Variants in AGK observed in about 807,000 individuals in gnomAD.
AGK encodes the protein acylglycerol kinase, mitochondrial.
In AGK, 52 loss-of-function variants were observed where a neutral mutation model predicts 66.4. The ratio of observed to expected loss-of-function variants is 0.78; its 90% CI spans 0.63 to 0.99. The LOEUF (loss-of-function observed/expected upper bound fraction) is 0.99. AGK is among the 50% of genes least tolerant of loss of function. The pLI, the probability that AGK is intolerant of heterozygous loss-of-function variation, is 0.00. For missense variants in AGK, 451 were observed against 506.6 expected (o/e 0.89, Z 1.05); for synonymous variants, 182 against 181.1 (o/e 1.00, Z -0.04).
intron 8 of AGK, among the ~76,000 whole-genome samples, chr7:141,619,734 CAT>C (rs1298447059): frequency 2.0e-5 from 3 of 151,030 alleles, no homozygotes; most frequent in Non-Finnish European, 4.4e-5. Flanking sequence ...TCTTGGATAT[CAT>C]TGGTGCAAAT....
intron 3 of AGK, among the ~76,000 whole-genome samples, chr7:141,595,285 C>A (rs1796205465): frequency 6.6e-6 from 1 of 152,046 alleles, no homozygotes; most frequent in Non-Finnish European, 1.5e-5. Context: ...TTAGTGATAT[C>A]ATTTCTGCCA....
rs35119899 is a variant in AGK, at chr7:141,623,379, CAAAAAAAAAAA to C, written c.588+1581_588+1591del. On this transcript the variant is annotated intron_variant, in intron 9 of 15. Coordinates refer to ENST00000649286, the MANE Select transcript of AGK (RefSeq NM_018238.4). ...GGGTAACTAGAGCAAAACTTTTTCTCAAAAAAAAAAAAAGAAAAAAAAAAGAAAGAAAAAAA... is the reference window on the plus strand; with the variant it reads ...GGGTAACTAGAGCAAAACTTTTTCTCAAGAAAAAAAAAAGAAAGAAAAAAA... 9.2e-3 allele frequency among the ~76,000 whole-genome samples: 500 copies of C among 54,232 alleles called. 2 individuals are homozygous for C. Among genetic ancestry groups the C allele is most frequent in the Middle Eastern group, 0.083 (7 of 84 alleles). The allele number at this position is 54,232 out of a possible 152,430, so 35.6% of individuals were successfully genotyped here. A position where few individuals can be genotyped will look rare whatever the true frequency, so the allele number is the denominator to read the frequency against.
chr7:141,571,092 T>C (rs1795596600), intron 2 of AGK, among the ~76,000 whole-genome samples: 1 of 152,214 alleles, frequency 6.6e-6, no homozygotes, highest in African/African-American at 2.4e-5. Flanking sequence ...TGTTATTATA[T>C]TCATTATAAC....
intron 13 of AGK, among the ~76,000 whole-genome samples, chr7:141,646,923 T>C (rs1797424930): frequency 6.6e-6 from 1 of 152,192 alleles, no homozygotes; most frequent in Non-Finnish European, 1.5e-5. Flanking sequence ...AGTGTGGCTC[T>C]CCCCTGAGTT....
chr7:141,621,028 CTG>C (rs1296273429), intron 8 of AGK, among the ~76,000 whole-genome samples: 1 of 152,206 alleles, frequency 6.6e-6, no homozygotes, highest in Non-Finnish European at 1.5e-5. Flanking sequence ...AGAGAAAAAA[CTG>C]AGAAACATTT....
At chr7:141,552,057 T>C (rs1795102399) in intron 1 of AGK, among the ~76,000 whole-genome samples, 1 of 152,180 alleles carries the variant, frequency 6.6e-6, no homozygotes, top group African/African-American at 2.4e-5. Flanking sequence ...TGGTTCCTCC[T>C]CTCTCACTTA....
At chr7:141,576,883 CAA>C (rs1795752173) in intron 2 of AGK, among the ~76,000 whole-genome samples, 1 of 151,522 alleles carries the variant, frequency 6.6e-6, no homozygotes, top group Non-Finnish European at 1.5e-5. Flanking sequence ...ACTAAAAATA[CAA>C]AAAAATTAGC....
chr7:141,566,381 C>A (rs2116866782), intron 2 of AGK, among the ~76,000 whole-genome samples: 1 of 152,274 alleles, frequency 6.6e-6, no homozygotes, highest in South Asian at 2.1e-4. Context: ...ATACTTGACA[C>A]ACATTTTATT....
At chr7:141,552,650 A>G (rs1316144088) in intron 1 of AGK, among the ~76,000 whole-genome samples, 1 of 152,224 alleles carries the variant, frequency 6.6e-6, no homozygotes, top group East Asian at 1.9e-4. Context: ...CGTTGGCATT[A>G]GAGGAAACAA....
chr7:141,604,569 A>C (rs1012284307), intron 5 of AGK, among the ~76,000 whole-genome samples: 1 of 149,212 alleles, frequency 6.7e-6, no homozygotes, highest in Non-Finnish European at 1.5e-5. Context: ...TTGATGTACT[A>C]TTATCTTGTA....
At position 141,614,161 on chromosome 7, in the gene AGK, C is replaced by A; in HGVS notation, c.406C>A (p.Leu136Ile). The A allele has an allele frequency of 6.5e-7, 1 of 1,537,928 alleles. No homozygotes were observed. Among genetic ancestry groups the A allele is most frequent in the Non-Finnish European group, 8.8e-7 (1 of 1,131,034 alleles). The change falls in exon 7 of 16, where the codon CTT becomes ATT. Residue 136 changes from leucine (L) to isoleucine (I), a missense_variant. Transcript: ENST00000649286. ...GTLQEVVTGV[L>I]RRTDEATFSK... Reference sequence around the variant, plus strand: ...ACATTTGTAGGTTGTTACTGGTGTTCTTCGACGAACAGATGAGGTGAGCAT... The same window carrying A: ...ACATTTGTAGGTTGTTACTGGTGTTATTCGACGAACAGATGAGGTGAGCAT...
At position 141,637,008 on chromosome 7, in the gene AGK, C is replaced by G. The variant is rs1415750220; in HGVS notation, c.717C>G (p.Ser239Arg). Residue 239 changes from serine to arginine, a missense_variant, in exon 11 of 16, where the codon AGC becomes AGG. Coordinates refer to ENST00000649286, the MANE Select transcript of AGK (RefSeq NM_018238.4). ...PLKIKAAHFF[S>R]TLKEWPQTHQ... is the part of the protein sequence containing the mutation. The stretch of plus-strand genomic sequence containing the variant: ...AAATCAAAGCAGCCCACTTTTTCAG[C>G]ACTCTTAAGGTAAATGTGATTTACA... The G allele has an allele frequency of 3.1e-6, 5 of 1,612,258 alleles. No individual in the cohort carries two copies. Among genetic ancestry groups the G allele is most frequent in the Non-Finnish European group, 4.2e-6 (5 of 1,178,972 alleles).
chr7:141,632,812 C>T (rs898249998), intron 9 of AGK, among the ~76,000 whole-genome samples: 1 of 152,200 alleles, frequency 6.6e-6, no homozygotes, highest in Non-Finnish European at 1.5e-5. Context: ...AGCAGATACT[C>T]GACAAAGGGA....
At chr7:141,560,535 T>C (rs1465277036) in intron 2 of AGK, among the ~76,000 whole-genome samples, 1 of 151,954 alleles carries the variant, frequency 6.6e-6, no homozygotes, top group East Asian at 1.9e-4. Flanking sequence ...TCTTTAGTGG[T>C]GATTTCTGAG....
chr7:141,597,890 C>CAAAAAAAAAAAA (rs56295907), intron 4 of AGK, among the ~76,000 whole-genome samples: 68 of 71,420 alleles, frequency 9.5e-4, no homozygotes, highest in Non-Finnish European at 1.3e-3. Context: ...GACTCTGTCT[C>CAAAAAAAAAAAA]AAAAAAAAAA....
chr7:141,596,462 T>G, intron 3 of AGK, 100 bp from the exon 4 acceptor site: 1 of 1,031,598 alleles, frequency 9.7e-7, no homozygotes, highest in Non-Finnish European at 1.5e-6. Flanking sequence ...GGTAGATACC[T>G]TATGTGCTGC....
chr7:141,593,070 T>C (rs2116921429), intron 2 of AGK, 76 bp from the exon 3 acceptor site: 4 of 1,349,924 alleles, frequency 3.0e-6, no homozygotes, highest in East Asian at 2.3e-5. Flanking sequence ...TATTAAAAAA[T>C]TAAAAAGCTC....
intron 3 of AGK, among the ~76,000 whole-genome samples, chr7:141,596,319 C>T (rs990887783): frequency 2.6e-5 from 4 of 151,960 alleles, no homozygotes; most frequent in African/African-American, 9.7e-5. Flanking sequence ...TGTTATTTGC[C>T]TCTAGTAGAT....
intron 2 of AGK, among the ~76,000 whole-genome samples, chr7:141,575,771 T>G (rs1217430508): frequency 6.7e-6 from 1 of 149,862 alleles, no homozygotes; most frequent in Non-Finnish European, 1.5e-5. Flanking sequence ...TGAAAATTGC[T>G]GTAAATATTT....
Sources: gnomAD v4.1 joint callset for allele counts (sites outside exome capture counted in the v4.1 genomes callset) on GRCh38, gnomAD v4.1.1 for gene constraint, MANE v1.5 for transcripts, NCBI Gene and HGNC (gene_info 2026-07-23, HGNC 2026-07-21) for gene names.